EML6: variants seen among roughly 807,000 people sequenced by gnomAD.
EML6 encodes the protein EMAP like 6.
Under a neutral mutation model 240.1 loss-of-function variants are expected in EML6, and 154 were observed. The ratio of observed to expected loss-of-function variants is 0.64; its 90% CI spans 0.56 to 0.73. EML6 has a LOEUF of 0.73. Among genes scored for constraint, EML6 ranks in the 30% least tolerant of loss-of-function variants. The pLI, the probability that EML6 is intolerant of heterozygous loss-of-function variation, is 0.00. For missense variants in EML6, 2,964 were observed against 2,474.6 expected (o/e 1.20, Z -4.20); for synonymous variants, 1,148 against 899.0 (o/e 1.28, Z -4.95).
chr2:54,923,168 C>A (rs1254858080), intron 26 of EML6, among the ~76,000 whole-genome samples: 1 of 151,874 alleles, frequency 6.6e-6, no homozygotes, highest in Non-Finnish European at 1.5e-5. Flanking sequence ...CTCGAACTCC[C>A]AACCTCAGCT....
chr2:54,827,425 G>C, intron 5 of EML6, 141 bp from the exon 6 acceptor site: 1 of 666,880 alleles, frequency 1.5e-6, no homozygotes, highest in Non-Finnish European at 2.5e-6. Flanking sequence ...ATGTTGTTAT[G>C]TTACAGCAAA....
chr2:54,830,933 G>A (rs1668838764), intron 7 of EML6, among the ~76,000 whole-genome samples: 1 of 152,180 alleles, frequency 6.6e-6, no homozygotes, highest in Non-Finnish European at 1.5e-5. Flanking sequence ...GGAAGTTGTG[G>A]AATTTGGTGT....
Position 54,967,115 on chromosome 2 carries a change from G to C in EML6, c.5597+12G>C, listed in dbSNP as rs1304510315. 6.5e-7 allele frequency: 1 copy of C among 1,538,568 alleles called. No individual in the cohort carries two copies. The highest frequency in any genetic ancestry group is 2.4e-5 in the East Asian group (1 of 40,820). ...GCCTCCTGGACAAGGTGACTGACTG[G>C]AAGAAAAAACTTGAGGAAAAGGTCA... On this transcript the variant is annotated intron_variant, in intron 39 of 41. Coordinates refer to ENST00000356458, the MANE Select transcript of EML6 (RefSeq NM_001039753.4).
At chr2:54,954,974 G>C (rs539906689) in intron 32 of EML6, among the ~76,000 whole-genome samples, 1 of 152,212 alleles carries the variant, frequency 6.6e-6, no homozygotes. Context: ...TCCCATGGAG[G>C]GGGTGGTGCG....
At chr2:54,784,670 G>C (rs892266410) in intron 2 of EML6, among the ~76,000 whole-genome samples, 1 of 152,068 alleles carries the variant, frequency 6.6e-6, no homozygotes, top group Non-Finnish European at 1.5e-5. Flanking sequence ...TATTTTCTAT[G>C]TTATATGTAT....
At position 54,737,126 on chromosome 2, in the gene EML6, A is replaced by G. The variant is rs1316742743; in HGVS notation, c.197+11868A>G. Among the ~76,000 whole-genome samples, 4 of 152,316 alleles carry G rather than the reference A, an allele frequency of 2.6e-5. No homozygotes were observed. In the South Asian group the frequency reaches 8.3e-4, roughly 32 times the overall value. ...GAGGTAACAGCTTTGTGTCACTGTTAAATATTCTGAATTTGATTGTAGCAA... is the reference window on the plus strand; with the variant it reads ...GAGGTAACAGCTTTGTGTCACTGTTGAATATTCTGAATTTGATTGTAGCAA... On this transcript the variant is annotated intron_variant, in intron 2 of 41. Transcript: ENST00000356458.
chr2:54,906,660 C>A (rs772082898), intron 24 of EML6, among the ~76,000 whole-genome samples: 32 of 152,248 alleles, frequency 2.1e-4, no homozygotes, highest in Admixed American at 3.9e-4. Context: ...AGTAGAGACA[C>A]TTCTGATTTT....
At chr2:54,756,349 G>T (rs1667729318) in intron 2 of EML6, among the ~76,000 whole-genome samples, 1 of 152,168 alleles carries the variant, frequency 6.6e-6, no homozygotes, top group African/African-American at 2.4e-5. Flanking sequence ...TCAATGGAAA[G>T]GTTGGTAGAA....
At chr2:54,899,573 C>G in intron 21 of EML6, 68 bp from the exon 22 acceptor site, 2 of 1,469,136 alleles carry the variant, frequency 1.4e-6, no homozygotes, top group Non-Finnish European at 1.8e-6. Flanking sequence ...ATATGTAGCA[C>G]CAGGCTAAAG....
intron 11 of EML6, among the ~76,000 whole-genome samples, chr2:54,856,624 G>A (rs1321742112): frequency 6.6e-6 from 1 of 152,196 alleles, no homozygotes; most frequent in Non-Finnish European, 1.5e-5. Context: ...TTGATGCAGT[G>A]CAGAAGCAGG....
chr2:54,842,073 G>A (rs1669490357), intron 7 of EML6, among the ~76,000 whole-genome samples: 1 of 152,004 alleles, frequency 6.6e-6, no homozygotes, highest in African/African-American at 2.4e-5. Flanking sequence ...ACCTTGACGT[G>A]TCATTATCAC....
intron 2 of EML6, among the ~76,000 whole-genome samples, chr2:54,773,928 T>G (rs949834202): frequency 6.6e-6 from 1 of 152,234 alleles, no homozygotes; most frequent in Middle Eastern, 3.2e-3. Context: ...TCAATTCGAT[T>G]TGATGACTGG....
intron 13 of EML6, among the ~76,000 whole-genome samples, chr2:54,866,110 A>AT (rs1373242389): frequency 2.6e-5 from 4 of 152,230 alleles, no homozygotes; most frequent in African/African-American, 9.6e-5. Context: ...ATATTTTATG[A>AT]TTTTTAAAAG....
rs916520551 is a variant in EML6 at position 54,866,761 on chromosome 2, T to C, written c.1933-5T>C. 16 of 1,533,046 alleles carry C rather than the reference T, an allele frequency of 1.0e-5. No homozygotes were observed. Among genetic ancestry groups the C allele is most frequent in the Admixed American group, 2.0e-5 (1 of 50,814 alleles). 95.0% of individuals were successfully genotyped at this position (1,533,046 alleles called of 1,614,324 possible). A position where few individuals can be genotyped will look rare whatever the true frequency, so the allele number is the denominator to read the frequency against. The stretch of plus-strand genomic sequence containing the variant: ...CTCACCCAGATGTTTCTGTTGTACT[T>C]TAAGGTTTACAAAGAAGATCTACCT... On this transcript the variant is annotated splice_region_variant and splice_polypyrimidine_tract_variant and intron_variant, in intron 13 of 41. Transcript: ENST00000356458.
At chr2:54,958,073 G>A (rs1676317399) in intron 33 of EML6, 75 bp downstream of exon 33, 2 of 1,340,064 alleles carry the variant, frequency 1.5e-6, no homozygotes, top group African/African-American at 1.5e-5. Context: ...GGCAGGAGGG[G>A]AGTTTGGCCA....
intron 11 of EML6, among the ~76,000 whole-genome samples, chr2:54,856,710 G>A (rs1258601228): frequency 2.6e-5 from 4 of 152,220 alleles, no homozygotes; most frequent in Non-Finnish European, 5.9e-5. Flanking sequence ...TGACAGGGCT[G>A]TGTCGTAAAG....
At chr2:54,841,755 G>A (rs1362896538) in intron 7 of EML6, among the ~76,000 whole-genome samples, 1 of 151,918 alleles carries the variant, frequency 6.6e-6, no homozygotes, top group African/African-American at 2.4e-5. Context: ...ACCATGTCCA[G>A]CTAATTTTTC....
intron 2 of EML6, among the ~76,000 whole-genome samples, chr2:54,773,821 G>C (rs1027784797): frequency 1.3e-5 from 2 of 152,224 alleles, no homozygotes; most frequent in African/African-American, 4.8e-5. Context: ...CTAAGGAAAA[G>C]TATCACAGAA....
At chr2:54,945,308 C>G (rs1318437224) in intron 28 of EML6, among the ~76,000 whole-genome samples, 4 of 133,338 alleles carry the variant, frequency 3.0e-5, no homozygotes, top group African/African-American at 1.1e-4. Context: ...TCTCCCCTCC[C>G]CCTCCCCTTT....
Sources: allele counts gnomAD v4.1 joint callset (sites outside exome capture counted in the v4.1 genomes callset), GRCh38; gene constraint gnomAD v4.1.1; transcripts MANE v1.5; gene names NCBI Gene and HGNC (gene_info 2026-07-23, HGNC 2026-07-21).